Variants in GRID2 observed in about 807,000 individuals in gnomAD.
GRID2 encodes the protein glutamate receptor ionotropic, delta-2.
A neutral mutation model predicts 114.8 loss-of-function variants in GRID2; 33 were observed. The observed-to-expected ratio is 0.29, with a 90% CI of 0.22 to 0.38. The LOEUF is 0.38. GRID2 is among the 10% of genes least tolerant of loss of function. GRID2 has a pLI of 1.00. For synonymous variants in GRID2, 505 were observed against 449.9 expected (o/e 1.12, Z -1.55); for missense variants, 1,184 against 1,257.7 (o/e 0.94, Z 0.89).
At chr4:92,750,876 T>G (rs1224170718) in intron 2 of GRID2, among the ~76,000 whole-genome samples, 3 of 152,168 alleles carry the variant, frequency 2.0e-5, no homozygotes, top group African/African-American at 7.2e-5. Flanking sequence ...TAACAATAAT[T>G]TTAGAGATAA....
chr4:93,169,104 ATAT>A (rs2149419283), intron 4 of GRID2, among the ~76,000 whole-genome samples: 1 of 151,180 alleles, frequency 6.6e-6, no homozygotes, highest in Admixed American at 6.6e-5. Flanking sequence ...CCTGAAAGTT[ATAT>A]TATTCTTCCA....
intron 12 of GRID2, among the ~76,000 whole-genome samples, chr4:93,512,243 A>G (rs1395889004): frequency 6.6e-6 from 1 of 152,228 alleles, no homozygotes; most frequent in Non-Finnish European, 1.5e-5. Flanking sequence ...TCTAAATATT[A>G]TACACTCAGA....
intron 14 of GRID2, among the ~76,000 whole-genome samples, chr4:93,710,818 C>T (rs935930454): frequency 6.6e-6 from 1 of 152,026 alleles, no homozygotes; most frequent in Non-Finnish European, 1.5e-5. Context: ...TTTACTCTTC[C>T]GTCTCCTTTC....
chr4:93,412,735 C>A (rs1007333687), intron 9 of GRID2, among the ~76,000 whole-genome samples: 3 of 152,082 alleles, frequency 2.0e-5, no homozygotes, highest in Non-Finnish European at 4.4e-5. Context: ...TGTCTTAATG[C>A]TCTCCCTCCC....
chr4:92,394,601 AT>A (rs1379185585), intron 1 of GRID2, among the ~76,000 whole-genome samples: 2 of 152,030 alleles, frequency 1.3e-5, no homozygotes, highest in African/African-American at 4.8e-5. Context: ...AAAAATTAAA[AT>A]AATTATAGAC....
At chr4:93,123,189 T>G (rs1411158002) in intron 4 of GRID2, among the ~76,000 whole-genome samples, 1 of 152,132 alleles carries the variant, frequency 6.6e-6, no homozygotes, top group East Asian at 1.9e-4. Context: ...TAACTTCTCC[T>G]AACAGCCTAT....
At chr4:93,767,642 G>A (rs1288111765) in intron 14 of GRID2, among the ~76,000 whole-genome samples, 7 of 152,068 alleles carry the variant, frequency 4.6e-5, no homozygotes, top group African/African-American at 4.8e-5. Context: ...TTAAGGGCTG[G>A]TCTCACTCTA....
chr4:93,735,381 G>T (rs1472892980), intron 14 of GRID2, among the ~76,000 whole-genome samples: 2 of 151,596 alleles, frequency 1.3e-5, no homozygotes, highest in Non-Finnish European at 2.9e-5. Context: ...AAAGTTTTAT[G>T]TATACAACCA....
At chr4:92,686,546 T>G (rs995215946) in intron 2 of GRID2, among the ~76,000 whole-genome samples, 1 of 152,178 alleles carries the variant, frequency 6.6e-6, no homozygotes, top group South Asian at 2.1e-4. Context: ...TCTGAGAATT[T>G]AATAAAACGC....
At chr4:92,481,277 G>A (rs1722575970) in intron 1 of GRID2, among the ~76,000 whole-genome samples, 1 of 151,898 alleles carries the variant, frequency 6.6e-6, no homozygotes, top group Non-Finnish European at 1.5e-5. Context: ...TAAAGTTCCT[G>A]GAAGTAGAGA....
chr4:93,117,148 A>G (rs78171634), intron 4 of GRID2, among the ~76,000 whole-genome samples: 2,099 of 152,276 alleles, frequency 0.014, 49 homozygotes, highest in African/African-American at 0.048. Flanking sequence ...AATTTATTAC[A>G]TAATGGTAAT....
chr4:92,867,582 ATTT>A (rs34222173), intron 2 of GRID2, among the ~76,000 whole-genome samples: 5 of 143,582 alleles, frequency 3.5e-5, no homozygotes, highest in Admixed American at 1.4e-4. Context: ...CTGTACTATT[ATTT>A]TTTTTTTTTT....
At chr4:92,526,799 ATT>A (rs1208801797) in intron 1 of GRID2, among the ~76,000 whole-genome samples, 6 of 151,814 alleles carry the variant, frequency 4.0e-5, no homozygotes, top group Non-Finnish European at 7.4e-5. Flanking sequence ...TTGACTTATG[ATT>A]TTTCAATGTT....
At chr4:93,122,279 A>G (rs1488167036) in intron 4 of GRID2, among the ~76,000 whole-genome samples, 2 of 152,152 alleles carry the variant, frequency 1.3e-5, no homozygotes, top group Non-Finnish European at 1.5e-5. Flanking sequence ...TGTAAAGTGG[A>G]GGTAAAGATA....
Position 93,458,195 on chromosome 4 carries a change from C to T in GRID2, c.1858+2221C>T, listed in dbSNP as rs1280980992. ...GAAAATCAGAGCAGCTAGTAGTATA[C>T]GTTTGGTTGACTGTGTTAAACCTTT... On this transcript the variant is annotated intron_variant, in intron 11 of 15. Transcript: ENST00000282020. 3.9e-5 allele frequency among the ~76,000 whole-genome samples: 6 copies of T among 152,102 alleles called. No homozygotes were observed. The South Asian group carries it at 6.2e-4, about 16-fold the overall frequency.
At chr4:93,778,645 CT>C (rs1734419769), downstream of GRID2, among the ~76,000 whole-genome samples, 1 of 152,064 alleles carries the variant, frequency 6.6e-6, no homozygotes, top group Admixed American at 6.5e-5. Flanking sequence ...TGATCTGCCC[CT>C]CTCAGTCTCC....
chr4:93,593,875 G>A (rs1230160329), intron 13 of GRID2, among the ~76,000 whole-genome samples: 26 of 151,776 alleles, frequency 1.7e-4, no homozygotes, highest in South Asian at 4.2e-4. Context: ...CATTCTTCAC[G>A]TAGTTCTCGA....
intron 3 of GRID2, among the ~76,000 whole-genome samples, chr4:93,090,972 G>A (rs187876544): frequency 1.2e-3 from 190 of 152,176 alleles, no homozygotes; most frequent in Non-Finnish European, 2.1e-3. Context: ...GATTAGGTCC[G>A]TCCTCATTGT....
intron 2 of GRID2, among the ~76,000 whole-genome samples, chr4:92,597,510 T>C (rs1729011988): frequency 6.6e-6 from 1 of 152,176 alleles, no homozygotes; most frequent in Admixed American, 6.6e-5. Flanking sequence ...ATAAAATATA[T>C]ATTTTAGCAA....
Sources: allele counts gnomAD v4.1 joint callset (sites outside exome capture counted in the v4.1 genomes callset), GRCh38; gene constraint gnomAD v4.1.1; transcripts MANE v1.5; gene names NCBI Gene and HGNC (gene_info 2026-07-23, HGNC 2026-07-21).